The following WDR70 variants were observed in gnomAD, a reference collection of about 807,000 sequenced individuals.
WDR70 encodes WD repeat domain 70.
Under a neutral mutation model 88.6 loss-of-function variants are expected in WDR70, and 53 were observed. That is an observed-to-expected ratio of 0.60 (90% CI 0.48 to 0.75). The LOEUF (loss-of-function observed/expected upper bound fraction) is 0.75, where lower values mean the gene tolerates loss of function less well. Among genes scored for constraint, WDR70 ranks in the 30% least tolerant of loss-of-function variants. The pLI is 0.00. For synonymous variants in WDR70, 280 were observed against 270.0 expected (o/e 1.04, Z -0.36); for missense variants, 610 against 823.2 (o/e 0.74, Z 3.17).
rs771205515 is a variant in WDR70 at position 37,701,097 on chromosome 5, A to G, written c.1232A>G (p.Asn411Ser). 6.2e-7 allele frequency: 1 copy of G among 1,612,886 alleles called. No individual in the cohort carries two copies. The highest frequency in any genetic ancestry group is 8.5e-7 in the Non-Finnish European group (1 of 1,179,090). ...SLKLWDIRQF[N>S]KPLFSASGLP... ...AAATTATGGGACATCCGACAATTTA[A>G]TAAACCACTTTTTTCAGCCTCGGGT... The change falls in exon 12 of 18, where the codon AAT becomes AGT. Residue 411 changes from asparagine (N) to serine (S), a missense_variant. Around this residue, in one of 4 missense-constraint regions of WDR70, gnomAD observed 254 missense variants for 300.7 expected, o/e 0.84. Coordinates refer to ENST00000265107, the MANE Select transcript of WDR70 (RefSeq NM_018034.4).
intron 17 of WDR70, among the ~76,000 whole-genome samples, chr5:37,751,295 C>G (rs890403655): frequency 6.6e-6 from 1 of 152,216 alleles, no homozygotes; most frequent in Non-Finnish European, 1.5e-5. Flanking sequence ...AATTTAAGAG[C>G]TGTGACCTGT....
chr5:37,715,952 G>A (rs551191350), intron 13 of WDR70, among the ~76,000 whole-genome samples: 1 of 152,072 alleles, frequency 6.6e-6, no homozygotes, highest in East Asian at 1.9e-4. Context: ...ATTCAAATGT[G>A]TTGGATAGTC....
intron 10 of WDR70, among the ~76,000 whole-genome samples, chr5:37,669,500 A>G (rs1745960353): frequency 6.6e-6 from 1 of 151,980 alleles, no homozygotes; most frequent in African/African-American, 2.4e-5. Flanking sequence ...ACAGCCTCAA[A>G]CTCCTGGACT....
chr5:37,534,250 G>A (rs116064490), intron 9 of WDR70, among the ~76,000 whole-genome samples: 1,979 of 152,206 alleles, frequency 0.013, 23 homozygotes, highest in Non-Finnish European at 0.021. Flanking sequence ...CCTCCTATTC[G>A]CCATCTTAAA....
chr5:37,557,957 A>ACTCTTTTTAAAAC, intron 9 of WDR70, among the ~76,000 whole-genome samples: 7 of 139,248 alleles, frequency 5.0e-5, no homozygotes, highest in Admixed American at 1.4e-4. Flanking sequence ...TCAAAAGAGT[A>ACTCTTTTTAAAAC]TTATGTATAT....
intron 5 of WDR70, among the ~76,000 whole-genome samples, chr5:37,409,214 C>T (rs1347027272): frequency 6.6e-6 from 1 of 152,140 alleles, no homozygotes; most frequent in African/African-American, 2.4e-5. Context: ...GCTGGGATTA[C>T]AGGCGTGAGC....
At chr5:37,506,350 C>A in intron 8 of WDR70, 1 of 869,710 alleles carries the variant, frequency 1.1e-6, no homozygotes, top group Non-Finnish European at 2.0e-6. Context: ...CTTGCTTCTT[C>A]TAACACACCC....
At chr5:37,750,365 T>A (rs538045567) in intron 17 of WDR70, among the ~76,000 whole-genome samples, 1 of 152,062 alleles carries the variant, frequency 6.6e-6, no homozygotes, top group Non-Finnish European at 1.5e-5. Context: ...CAAGACCATG[T>A]CTCTGCAAAA....
intron 9 of WDR70, among the ~76,000 whole-genome samples, chr5:37,577,211 A>G (rs986504843): frequency 4.6e-5 from 7 of 152,216 alleles, no homozygotes; most frequent in Admixed American, 2.6e-4. Context: ...TGAAGCTGAC[A>G]GAATAAAACT....
At chr5:37,659,360 GAA>G (rs999210916) in intron 10 of WDR70, among the ~76,000 whole-genome samples, 1 of 151,952 alleles carries the variant, frequency 6.6e-6, no homozygotes, top group Non-Finnish European at 1.5e-5. Context: ...TGATATTCTT[GAA>G]AATAGTATTT....
intron 9 of WDR70, among the ~76,000 whole-genome samples, chr5:37,573,161 G>T (rs1742955560): frequency 1.3e-5 from 2 of 152,080 alleles, no homozygotes; most frequent in South Asian, 4.1e-4. Context: ...TAACCTGTGG[G>T]TTTTTTTCTC....
intron 10 of WDR70, among the ~76,000 whole-genome samples, chr5:37,678,567 T>C (rs544244359): frequency 1.1e-3 from 162 of 152,346 alleles, no homozygotes; most frequent in African/African-American, 3.8e-3. Flanking sequence ...GCCCCCACTC[T>C]CTTCTGGCTT....
Position 37,713,927 on chromosome 5 carries a change from A to G in WDR70, c.1417-7188A>G, listed in dbSNP as rs557489591. On this transcript the variant is annotated intron_variant, in intron 13 of 17. Transcript: ENST00000265107. ...AGCTGTTCTATCAGAATTCTGGCCA[A>G]ACTTTCACAATTATATATAGTGTGG... Among the ~76,000 whole-genome samples, 15 of 152,302 alleles carry G rather than the reference A, an allele frequency of 9.8e-5. 1 individual carries two copies. The highest frequency in any genetic ancestry group is 2.6e-4 in the African/African-American group (11 of 41,562).
chr5:37,484,548 AGAGAGGGAGAGGGAGACCGTGGGGAGAGG>A (rs1432913851), intron 8 of WDR70, among the ~76,000 whole-genome samples: 17 of 152,234 alleles, frequency 1.1e-4, no homozygotes, highest in Non-Finnish European at 2.4e-4. Flanking sequence ...GACCGTGGAA[AGAGAGGGAGAGGGAGACCGTGGGGAGAGG>A]GAGAGGGAGA....
intron 9 of WDR70, among the ~76,000 whole-genome samples, chr5:37,580,338 G>A (rs1294421997): frequency 2.0e-5 from 3 of 152,078 alleles, no homozygotes; most frequent in Admixed American, 6.5e-5. Flanking sequence ...CTTAACACAC[G>A]ACAGCTATGG....
chr5:37,486,567 A>T (rs1421159347), intron 8 of WDR70, among the ~76,000 whole-genome samples: 3 of 151,852 alleles, frequency 2.0e-5, no homozygotes, highest in Non-Finnish European at 2.9e-5. Flanking sequence ...CTGGTCTCGA[A>T]CTCCTGACCT....
intron 15 of WDR70, 51 bp from the exon 16 acceptor site, chr5:37,724,883 G>A (rs1347297807): frequency 6.7e-7 from 1 of 1,486,250 alleles, no homozygotes; most frequent in African/African-American, 1.4e-5. Flanking sequence ...TATGTTTTTG[G>A]ATGGGAAGGT....
Position 37,500,819 on chromosome 5 carries a change from G to A in WDR70, c.841-15695G>A, listed in dbSNP as rs569204435. On this transcript the variant is annotated intron_variant, in intron 8 of 17. Coordinates refer to ENST00000265107, the MANE Select transcript of WDR70 (RefSeq NM_018034.4). ...CAGCTCACCGCAGCCTCTGCCTCCCGGGTTCAAGCTATTCTCCTGCCTCAG... is the reference window on the plus strand; with the variant it reads ...CAGCTCACCGCAGCCTCTGCCTCCCAGGTTCAAGCTATTCTCCTGCCTCAG... Among the ~76,000 whole-genome samples the A allele has an allele frequency of 2.2e-3, 305 of 139,174 alleles. 1 individual carries two copies. The highest frequency in any genetic ancestry group is 4.1e-3 in the Non-Finnish European group (270 of 65,680). 91.3% of individuals were successfully genotyped at this position (139,174 alleles called of 152,430 possible).
At chr5:37,384,177 T>C (rs1382735266) in intron 3 of WDR70, among the ~76,000 whole-genome samples, 23 of 141,824 alleles carry the variant, frequency 1.6e-4, no homozygotes, top group Middle Eastern at 3.6e-3. Flanking sequence ...TCCCCCCTTT[T>C]TTTTTTTTTT....
Sources: gnomAD v4.1 joint callset for allele counts (sites outside exome capture counted in the v4.1 genomes callset) on GRCh38, gnomAD v4.1.1 for gene constraint, gnomAD v4.1.1 regional missense constraint, MANE v1.5 for transcripts, NCBI Gene and HGNC (gene_info 2026-07-23, HGNC 2026-07-21) for gene names.